The following CNTN5 variants were observed in gnomAD, a reference collection of about 807,000 sequenced individuals.
The protein encoded by CNTN5 is contactin 5, also known as contactin-5.
A neutral mutation model predicts 129.1 loss-of-function variants in CNTN5; 77 were observed. The ratio of observed to expected loss-of-function variants is 0.60; its 90% confidence interval spans 0.50 to 0.72. The LOEUF (loss-of-function observed/expected upper bound fraction) is 0.72. Ranked by LOEUF, CNTN5 falls within the 30% of genes least tolerant of loss-of-function variation. The pLI is 0.00. For missense variants in CNTN5, 1,478 were observed against 1,328.8 expected (o/e 1.11, Z -1.75); for synonymous variants, 509 against 465.6 (o/e 1.09, Z -1.20).
intron 6 of CNTN5, among the ~76,000 whole-genome samples, chr11:99,875,539 A>G (rs530359412): frequency 5.3e-4 from 81 of 152,246 alleles, no homozygotes; most frequent in South Asian, 3.1e-3. Context: ...AATGTGGATG[A>G]TATGTGTACA....
rs1953136472 is a variant in CNTN5 at position 99,673,478 on chromosome 11, A to ATGAAGGTT, written c.55+117212_55+117219dup. On this transcript the variant is annotated intron_variant, in intron 3 of 24. Coordinates refer to ENST00000524871, the MANE Select transcript of CNTN5 (RefSeq NM_014361.4). ...AAGTTCAGGGATATGTGTGCAGGAT[A>ATGAAGGTT]TGAAGGTTTGTTACATAGGTAAAGT... Among the ~76,000 whole-genome samples the ATGAAGGTT allele has an allele frequency of 2.0e-5, 3 of 152,088 alleles. No individual in the cohort carries two copies. The South Asian group carries it at 6.2e-4, about 32-fold the overall frequency.
intron 1 of CNTN5, among the ~76,000 whole-genome samples, chr11:99,284,306 T>C (rs61509526): frequency 0.017 from 2,581 of 152,174 alleles, 82 homozygotes; most frequent in African/African-American, 0.059. Flanking sequence ...CATGACATGT[T>C]ATGGGATATA....
intron 3 of CNTN5, among the ~76,000 whole-genome samples, chr11:99,570,343 T>A (rs1949137920): frequency 6.6e-6 from 1 of 152,196 alleles, no homozygotes; most frequent in Admixed American, 6.5e-5. Flanking sequence ...TGACTGTTTT[T>A]AAAATAGGAT....
In CNTN5 at chr11:100,356,366, G is replaced by C. The variant is rs1006366351; in HGVS notation, c.*146G>C. On this transcript the variant is annotated 3_prime_UTR_variant, in exon 25 of 25. Transcript: ENST00000524871. ...ACATGGTGAACTTACAGGAGGTTAG[G>C]GGGGAAATATTACTTATCCATCAGG... 1 of 630,600 alleles carries C rather than the reference G, an allele frequency of 1.6e-6. No individual in the cohort carries two copies. The highest frequency in any genetic ancestry group is 2.8e-6 in the Non-Finnish European group (1 of 353,336). 39.1% of individuals were successfully genotyped at this position (630,600 alleles called of 1,614,324 possible). A position where few individuals can be genotyped will look rare whatever the true frequency, so the allele number is the denominator to read the frequency against.
At chr11:99,427,128 C>G (rs973958541) in intron 2 of CNTN5, among the ~76,000 whole-genome samples, 4 of 152,106 alleles carry the variant, frequency 2.6e-5, no homozygotes, top group African/African-American at 9.7e-5. Context: ...ACATAACCTG[C>G]AAGTCAAAAC....
At chr11:99,813,042 A>G (rs1462535097) in intron 3 of CNTN5, among the ~76,000 whole-genome samples, 1 of 151,500 alleles carries the variant, frequency 6.6e-6, no homozygotes, top group Non-Finnish European at 1.5e-5. Context: ...CTCCACCAAT[A>G]CTCCCAGATT....
At chr11:100,206,923 C>T (rs1308508355) in intron 15 of CNTN5, among the ~76,000 whole-genome samples, 1 of 151,824 alleles carries the variant, frequency 6.6e-6, no homozygotes, top group African/African-American at 2.4e-5. Flanking sequence ...ATTGTATATC[C>T]TTATATATCA....
intron 3 of CNTN5, among the ~76,000 whole-genome samples, chr11:99,559,420 C>T (rs932043238): frequency 4.6e-5 from 7 of 152,046 alleles, no homozygotes; most frequent in African/African-American, 1.7e-4. Context: ...TACAGGTAGT[C>T]ATAAAAGCTT....
At chr11:100,138,410 A>C (rs1264809747) in intron 13 of CNTN5, among the ~76,000 whole-genome samples, 1 of 152,110 alleles carries the variant, frequency 6.6e-6, no homozygotes, top group Non-Finnish European at 1.5e-5. Flanking sequence ...GTATTGTATC[A>C]GGGAAAGTCA....
intron 13 of CNTN5, among the ~76,000 whole-genome samples, chr11:100,126,681 G>C (rs898172216): frequency 2.6e-5 from 4 of 152,178 alleles, no homozygotes; most frequent in Middle Eastern, 3.4e-3. Context: ...GTCATTACAT[G>C]TGAGATGGGT....
intron 1 of CNTN5, among the ~76,000 whole-genome samples, chr11:99,126,508 G>A (rs1858641291): frequency 6.6e-6 from 1 of 152,184 alleles, no homozygotes; most frequent in Non-Finnish European, 1.5e-5. Context: ...TGTACAAGGT[G>A]TAATGTGTGG....
intron 9 of CNTN5, among the ~76,000 whole-genome samples, chr11:100,014,158 A>G (rs1940687902): frequency 6.6e-6 from 1 of 152,112 alleles, no homozygotes; most frequent in Admixed American, 6.6e-5. Flanking sequence ...AAAATTTTGT[A>G]TTTATTATTT....
At chr11:99,299,829 C>T (rs1864550144) in intron 1 of CNTN5, among the ~76,000 whole-genome samples, 1 of 152,076 alleles carries the variant, frequency 6.6e-6, no homozygotes. Flanking sequence ...CATGTGACTG[C>T]TATTTGAAAT....
chr11:99,854,950 T>C (rs915902052), intron 6 of CNTN5, among the ~76,000 whole-genome samples: 1 of 151,550 alleles, frequency 6.6e-6, no homozygotes, highest in Non-Finnish European at 1.5e-5. Flanking sequence ...TAAAATAGAG[T>C]ATAATACAAA....
At chr11:99,213,484 A>G (rs77496701) in intron 1 of CNTN5, among the ~76,000 whole-genome samples, 18,195 of 106,006 alleles carry the variant, frequency 0.17, 1,257 homozygotes, top group Middle Eastern at 0.24. Flanking sequence ...ATATACACAC[A>G]TATATATATA....
intron 1 of CNTN5, among the ~76,000 whole-genome samples, chr11:99,226,358 T>C (rs1860685683): frequency 6.6e-6 from 1 of 152,184 alleles, no homozygotes; most frequent in African/African-American, 2.4e-5. Flanking sequence ...TAATTCAACA[T>C]AGTTTAAAAA....
At chr11:99,214,365 C>G (rs560896370) in intron 1 of CNTN5, among the ~76,000 whole-genome samples, 1 of 142,082 alleles carries the variant, frequency 7.0e-6, no homozygotes, top group South Asian at 2.2e-4. Context: ...AATTAAGATA[C>G]CAAAAAATAT....
At chr11:99,625,721 T>G (rs1951101545) in intron 3 of CNTN5, among the ~76,000 whole-genome samples, 1 of 152,034 alleles carries the variant, frequency 6.6e-6, no homozygotes, top group Non-Finnish European at 1.5e-5. Flanking sequence ...TCCCATCACT[T>G]TTCTTCAGGT....
At chr11:99,259,757 G>A (rs1862543920) in intron 1 of CNTN5, among the ~76,000 whole-genome samples, 1 of 151,780 alleles carries the variant, frequency 6.6e-6, no homozygotes. Flanking sequence ...TAGGAGTATT[G>A]AATAAGAGTA....
Sources: allele counts gnomAD v4.1 joint callset (sites outside exome capture counted in the v4.1 genomes callset), GRCh38; gene constraint gnomAD v4.1.1; transcripts MANE v1.5; gene names NCBI Gene and HGNC (gene_info 2026-07-23, HGNC 2026-07-21).